Variants in NRG3 observed in about 807,000 individuals in gnomAD.
NRG3 encodes neuregulin 3.
NRG3 carries 31 observed loss-of-function variants against 66.9 expected under a neutral mutation model. The observed-to-expected ratio is 0.46, with a 90% CI of 0.35 to 0.63. The LOEUF (loss-of-function observed/expected upper bound fraction) is 0.63, where lower values mean the gene tolerates loss of function less well. Ranked by LOEUF, NRG3 falls within the 20% of genes least tolerant of loss-of-function variation. NRG3 has a pLI of 0.00. For missense variants in NRG3, 910 were observed against 878.9 expected (o/e 1.04, Z -0.45); for synonymous variants, 393 against 359.4 (o/e 1.09, Z -1.06).
chr10:82,973,659 C>A (rs1427344827), intron 6 of NRG3, 129 bp from the exon 7 acceptor site: 7 of 933,228 alleles, frequency 7.5e-6, no homozygotes, highest in Non-Finnish European at 1.2e-5. Flanking sequence ...TATGTCTTAT[C>A]TCCTGCTCCT....
At chr10:82,637,673 G>C (rs1178880580) in intron 2 of NRG3, among the ~76,000 whole-genome samples, 1 of 152,150 alleles carries the variant, frequency 6.6e-6, no homozygotes, top group Non-Finnish European at 1.5e-5. Context: ...AGTCATGAAA[G>C]TCAAGGAAAG....
chr10:82,505,917 G>A (rs1844623906), intron 2 of NRG3, among the ~76,000 whole-genome samples: 1 of 152,192 alleles, frequency 6.6e-6, no homozygotes, highest in Admixed American at 6.5e-5. Context: ...GATTTTTAAT[G>A]GTTAAAATTT....
At chr10:82,240,783 C>A (rs1459471612) in intron 1 of NRG3, among the ~76,000 whole-genome samples, 1 of 152,126 alleles carries the variant, frequency 6.6e-6, no homozygotes, top group Non-Finnish European at 1.5e-5. Context: ...GGACTTCTGT[C>A]AGTTTTTATT....
chr10:82,544,522 C>T (rs1273735433), intron 2 of NRG3, among the ~76,000 whole-genome samples: 1 of 152,148 alleles, frequency 6.6e-6, no homozygotes, highest in Non-Finnish European at 1.5e-5. Context: ...ATATGTGACA[C>T]AATCAGAGGC....
chr10:82,232,684 G>A, intron 1 of NRG3: 1 of 709,302 alleles, frequency 1.4e-6, no homozygotes. Context: ...CGGCCAGATG[G>A]GGCTACAAGA....
At chr10:81,957,095 A>G (rs1294850683) in intron 1 of NRG3, among the ~76,000 whole-genome samples, 5 of 152,272 alleles carry the variant, frequency 3.3e-5, no homozygotes, top group African/African-American at 1.2e-4. Context: ...ATTAGGAAGC[A>G]AGTGTGCTGC....
intron 2 of NRG3, among the ~76,000 whole-genome samples, chr10:82,376,167 C>G (rs899739582): frequency 2.0e-5 from 3 of 152,098 alleles, no homozygotes; most frequent in Non-Finnish European, 4.4e-5. Context: ...GCTGAACGTG[C>G]GTCTGGCCTT....
intron 4 of NRG3, 116 bp from the exon 5 acceptor site, chr10:82,951,353 C>A: frequency 1.4e-6 from 1 of 711,492 alleles, no homozygotes. Context: ...CTATTTATGA[C>A]AGAAACCAAA....
At chr10:82,654,059 G>T (rs1467716667) in intron 2 of NRG3, among the ~76,000 whole-genome samples, 1 of 152,104 alleles carries the variant, frequency 6.6e-6, no homozygotes, top group Non-Finnish European at 1.5e-5. Context: ...TATTTGTGCA[G>T]TTTTTTGGGG....
chr10:82,132,496 T>TATATATC (rs2068949817), intron 1 of NRG3, among the ~76,000 whole-genome samples: 1 of 50,272 alleles, frequency 2.0e-5, no homozygotes, highest in Non-Finnish European at 3.7e-5. Context: ...ATATATGATA[T>TATATATC]ATATATATCA....
intron 3 of NRG3, among the ~76,000 whole-genome samples, chr10:82,847,149 A>T (rs1591708861): frequency 6.6e-6 from 1 of 152,210 alleles, no homozygotes; most frequent in Admixed American, 6.5e-5. Flanking sequence ...CTCCAGGCTG[A>T]AGAAAGAGGG....
intron 2 of NRG3, among the ~76,000 whole-genome samples, chr10:82,401,151 C>T (rs1306482820): frequency 1.3e-5 from 2 of 151,944 alleles, no homozygotes; most frequent in African/African-American, 4.8e-5. Context: ...GAGGATGATT[C>T]CCAAAAAGAG....
intron 2 of NRG3, among the ~76,000 whole-genome samples, chr10:82,601,269 C>A (rs1458769134): frequency 1.3e-5 from 2 of 152,158 alleles, no homozygotes; most frequent in African/African-American, 4.8e-5. Flanking sequence ...GTGCTGATAT[C>A]TTTTTGGTAA....
At chr10:82,350,016 A>AC (rs1267788226) in intron 1 of NRG3, among the ~76,000 whole-genome samples, 5 of 152,014 alleles carry the variant, frequency 3.3e-5, no homozygotes, top group Non-Finnish European at 7.4e-5. Context: ...TGCGGAAATC[A>AC]CCGTCTTCTG....
intron 2 of NRG3, among the ~76,000 whole-genome samples, chr10:82,627,098 A>AAAAATTTTTAT (rs2049483707): frequency 6.6e-6 from 1 of 151,968 alleles, no homozygotes; most frequent in Non-Finnish European, 1.5e-5. Flanking sequence ...GTCCTGACCG[A>AAAAATTTTTAT]TTTTGGAAAG....
chr10:82,975,188 A>G (rs930872785), intron 7 of NRG3, among the ~76,000 whole-genome samples: 1 of 152,230 alleles, frequency 6.6e-6, no homozygotes, highest in Non-Finnish European at 1.5e-5. Flanking sequence ...TTTCTTAATT[A>G]GGGAAATAAG....
intron 1 of NRG3, among the ~76,000 whole-genome samples, chr10:81,940,181 A>G (rs1848281793): frequency 6.6e-6 from 1 of 152,146 alleles, no homozygotes; most frequent in African/African-American, 2.4e-5. Context: ...GTTTTGTGCT[A>G]TAGGATATGA....
Position 82,018,140 on chromosome 10 carries a change from G to T in NRG3, c.823+141977G>T, listed in dbSNP as rs149486771. Among the ~76,000 whole-genome samples the T allele has an allele frequency of 2.0e-5, 3 of 152,236 alleles. No individual in the cohort carries two copies. The East Asian group carries it at 5.8e-4, about 29-fold the overall frequency. On this transcript the variant is annotated intron_variant, in intron 1 of 8. Transcript: ENST00000372141. Reference sequence around the variant, plus strand: ...GGTGTAAGGAAGGGATCCAGTTTCCGCTTTCTACCTATGGCTAGCCAGATT... The same window carrying T: ...GGTGTAAGGAAGGGATCCAGTTTCCTCTTTCTACCTATGGCTAGCCAGATT...
At chr10:82,924,256 G>A (rs17101077) in intron 4 of NRG3, among the ~76,000 whole-genome samples, 1,861 of 152,166 alleles carry the variant, frequency 0.012, 23 homozygotes, top group African/African-American at 0.037. Context: ...TGAGACCTCA[G>A]AGGCAGAGCC....
Sources: allele counts gnomAD v4.1 joint callset (sites outside exome capture counted in the v4.1 genomes callset), GRCh38; gene constraint gnomAD v4.1.1; transcripts MANE v1.5; gene names NCBI Gene and HGNC (gene_info 2026-07-23, HGNC 2026-07-21).